Variants in COL27A1 observed in about 807,000 individuals in gnomAD.
COL27A1 encodes the protein collagen alpha-1(XXVII) chain.
COL27A1 carries 106 observed loss-of-function variants against 251.3 expected under a neutral mutation model. The observed-to-expected ratio is 0.42, with a 90% CI of 0.36 to 0.50. The LOEUF is 0.50. Among genes scored for constraint, COL27A1 ranks in the 20% least tolerant of loss-of-function variants. The probability of loss-of-function intolerance (pLI) is 0.00; values close to 1 mark genes in which losing one functional copy is unlikely to be tolerated. For missense variants in COL27A1, 2,325 were observed against 2,522.8 expected, an observed-to-expected ratio of 0.92 and a Z score of 1.68; for synonymous variants, 1,000 against 986.3, an observed-to-expected ratio of 1.01 and a Z score of -0.26.
At chr9:114,266,402 G>A (rs1031000393) in intron 32 of COL27A1, among the ~76,000 whole-genome samples, 163 bp from the exon 33 acceptor site, 1 of 152,124 alleles carries the variant, frequency 6.6e-6, no homozygotes, top group Non-Finnish European at 1.5e-5. Context: ...CAGTGATGAA[G>A]AGGGGCTGCA....
intron 55 of COL27A1, 60 bp downstream of exon 55, chr9:114,301,777 C>G: frequency 8.0e-6 from 12 of 1,504,332 alleles, no homozygotes; most frequent in Non-Finnish European, 1.1e-5. Flanking sequence ...GAAGGAGATT[C>G]AAGGCTTCAC....
intron 17 of COL27A1, 125 bp downstream of exon 17, chr9:114,235,777 T>C: frequency 1.3e-6 from 1 of 744,990 alleles, no homozygotes; most frequent in Non-Finnish European, 2.5e-6. Context: ...GCCCTCGAAA[T>C]AATCCAGTCT....
intron 56 of COL27A1, among the ~76,000 whole-genome samples, chr9:114,303,059 T>G (rs552582342): frequency 6.6e-6 from 1 of 152,258 alleles, no homozygotes; most frequent in East Asian, 1.9e-4. Context: ...GCCTCTCCTC[T>G]GCAGCCTTCC....
At chr9:114,265,004 G>A (rs374482941) in intron 30 of COL27A1, 36 bp downstream of exon 30, 1 of 1,612,304 alleles carries the variant, frequency 6.2e-7, no homozygotes, top group African/African-American at 1.3e-5. Context: ...CCAGCTGCAG[G>A]CCCCCTCCCT....
At chr9:114,303,451 C>G (rs1228013047) in intron 56 of COL27A1, among the ~76,000 whole-genome samples, 1 of 152,050 alleles carries the variant, frequency 6.6e-6, no homozygotes, top group African/African-American at 2.4e-5. Context: ...GTTGGCCAGG[C>G]TGGTTTTGAA....
chr9:114,181,973 G>T (rs1001084250), intron 4 of COL27A1, among the ~76,000 whole-genome samples: 1 of 152,200 alleles, frequency 6.6e-6, no homozygotes, highest in South Asian at 2.1e-4. Flanking sequence ...GTAGCCACAG[G>T]AGAGGTGCAC....
rs182660667 is a variant in COL27A1 at position 114,278,533 on chromosome 9, G to A, written c.3717+2765G>A. Among the ~76,000 whole-genome samples the A allele has an allele frequency of 4.4e-3, 625 of 143,136 alleles. 5 individuals carry two copies. The highest frequency in any genetic ancestry group is 0.016 in the East Asian group (78 of 4,834). 93.9% of individuals were successfully genotyped at this position (143,136 alleles called of 152,430 possible). ...AGTGGTAGTGGTGGTGATGATGGGT[G>A]GTAGTGATGGTAGTAGTGATGGCAG... On this transcript the variant is annotated intron_variant, in intron 37 of 60. Transcript: ENST00000356083.
intron 60 of COL27A1, among the ~76,000 whole-genome samples, chr9:114,309,846 G>A (rs79656490): frequency 1.3e-5 from 2 of 152,288 alleles, no homozygotes; most frequent in African/African-American, 2.4e-5. Context: ...AACAGGGTGG[G>A]TTGTCAGGGG....
At chr9:114,235,435 T>C (rs1361465912) in intron 16 of COL27A1, among the ~76,000 whole-genome samples, 164 bp from the exon 17 acceptor site, 1 of 152,144 alleles carries the variant, frequency 6.6e-6, no homozygotes, top group Non-Finnish European at 1.5e-5. Context: ...ACCGCCTGCT[T>C]TCCTCGCCAG....
chr9:114,261,600 A>T (rs1240953582), intron 28 of COL27A1, among the ~76,000 whole-genome samples: 1 of 152,150 alleles, frequency 6.6e-6, no homozygotes, highest in Non-Finnish European at 1.5e-5. Flanking sequence ...CTCTGCTGGG[A>T]TAGTGAGTTC....
intron 3 of COL27A1, among the ~76,000 whole-genome samples, chr9:114,171,731 G>T (rs138273735): frequency 1.3e-5 from 2 of 152,118 alleles, no homozygotes; most frequent in African/African-American, 2.4e-5. Context: ...CTCCCAGAGC[G>T]CTAGAATGAC....
chr9:114,168,862 C>T lies in COL27A1; in HGVS notation c.1307C>T (p.Pro436Leu). ...IQRNPGMPRP[P>L]PPSTRPLPPT... The stretch of plus-strand genomic sequence containing the variant: ...AGGAACCCGGGAATGCCCAGGCCCC[C>T]ACCGCCCAGCACCCGGCCCCTACCT... Residue 436 changes from proline (P) to leucine (L), a missense_variant, in exon 3 of 61, where the codon CCA (proline) becomes CTA (leucine). Pro to Leu is a moderately conservative substitution (Grantham distance 98). Around this residue, in one of 4 missense-constraint regions of COL27A1, gnomAD observed 1,183 missense variants for 1,144.1 expected, o/e 1.03. Coordinates refer to ENST00000356083, the MANE Select transcript of COL27A1 (RefSeq NM_032888.4). 6.2e-7 allele frequency: 1 copy of T among 1,614,122 alleles called. No homozygotes were observed. The highest frequency in any genetic ancestry group is 8.5e-7 in the Non-Finnish European group (1 of 1,180,032).
At chr9:114,182,499 C>G (rs759603086) in intron 4 of COL27A1, among the ~76,000 whole-genome samples, 10 of 151,906 alleles carry the variant, frequency 6.6e-5, no homozygotes, top group Non-Finnish European at 1.5e-4. Context: ...AGAAAAGATG[C>G]TGCCAGATGA....
chr9:114,205,829 C>T lies in COL27A1; in HGVS notation c.2223+17C>T. On this transcript the variant is annotated intron_variant, in intron 9 of 60. Coordinates refer to ENST00000356083, the MANE Select transcript of COL27A1 (RefSeq NM_032888.4). ...GGCAGGCAGGTGCAGTATATGGCTT[C>T]TGGAAGCTCTGTGGCCATGGTGATG... 6.2e-7 allele frequency: 1 copy of T among 1,607,196 alleles called. No individual in the cohort carries two copies. Among genetic ancestry groups the T allele is most frequent in the Non-Finnish European group, 8.5e-7 (1 of 1,177,198 alleles).
In COL27A1 at chr9:114,290,506, G is replaced by C. The variant is rs942220604; in HGVS notation, c.4368+175G>C. Among the ~76,000 whole-genome samples the C allele has an allele frequency of 6.6e-6, 1 of 152,106 alleles. No homozygotes were observed. The highest frequency in any genetic ancestry group is 1.5e-5 in the Non-Finnish European group (1 of 67,992). On this transcript the variant is annotated intron_variant, in intron 47 of 60. Transcript: ENST00000356083. The surrounding 1 kb of genome is among the most constrained non-coding windows in gnomAD (Gnocchi z 4.6). ...TCCTCCCCTGGCACCTGGGAGTGTG[G>C]ACCTTCTGACTGTCTCTCCTGGATG...
chr9:114,166,368 A>AATCCATCTATCC (rs1848864018), intron 2 of COL27A1, among the ~76,000 whole-genome samples: 1 of 37,082 alleles, frequency 2.7e-5, no homozygotes, highest in Non-Finnish European at 9.0e-5. Flanking sequence ...TCCATCCATC[A>AATCCATCTATCC]ATCCATCCAT....
At chr9:114,169,650 C>A (rs1002359205) in intron 3 of COL27A1, among the ~76,000 whole-genome samples, 187 bp downstream of exon 3, 15 of 152,236 alleles carry the variant, frequency 9.9e-5, no homozygotes, top group African/African-American at 3.6e-4. Flanking sequence ...CATTGCCCAC[C>A]CTGCTCCAGA....
At position 114,243,516 on chromosome 9, in the gene COL27A1, G is replaced by A; in HGVS notation, c.2890G>A (p.Gly964Ser). Reference protein sequence around the residue: ...PGAPGLEGQPGRKGFPGRPGL... With the variant: ...PGAPGLEGQPSRKGFPGRPGL... ...TGTCTCTCTGTTGCAGGGTCAGCCT[G>A]GCAGGAAGGGGTTTCCTGGGAGGCC... Residue 964 changes from glycine (G) to serine (S), a missense_variant, in exon 23 of 61, where the codon GGC becomes AGC. Around this residue, in one of 4 missense-constraint regions of COL27A1, gnomAD observed 662 missense variants for 795.3 expected, o/e 0.83. Transcript: ENST00000356083. 1 of 1,614,008 alleles carries A rather than the reference G, an allele frequency of 6.2e-7. No individual in the cohort carries two copies. The highest frequency in any genetic ancestry group is 8.5e-7 in the Non-Finnish European group (1 of 1,179,934).
intron 1 of COL27A1, among the ~76,000 whole-genome samples, chr9:114,157,520 C>T (rs1310188892): frequency 6.6e-6 from 1 of 152,250 alleles, no homozygotes; most frequent in Non-Finnish European, 1.5e-5. Flanking sequence ...GCGCTGCGGA[C>T]CCTCAGCAGC....
Sources: gnomAD v4.1 joint callset for allele counts (sites outside exome capture counted in the v4.1 genomes callset) on GRCh38, gnomAD v4.1.1 for gene constraint, gnomAD v4.1.1 regional missense constraint, Gnocchi (gnomAD v3.1) non-coding constraint, MANE v1.5 for transcripts, NCBI Gene and HGNC (gene_info 2026-07-23, HGNC 2026-07-21) for gene names.